VPS36: variants seen among roughly 807,000 people sequenced by gnomAD.
The protein encoded by VPS36 is vacuolar protein-sorting-associated protein 36.
Under a neutral mutation model 63.5 loss-of-function variants are expected in VPS36, and 31 were observed. The ratio of observed to expected loss-of-function variants is 0.49; its 90% CI spans 0.37 to 0.66. VPS36 has a LOEUF of 0.66. Among genes scored for constraint, VPS36 ranks in the 30% least tolerant of loss-of-function variants. The pLI, the probability that VPS36 is intolerant of heterozygous loss-of-function variation, is 0.00. For missense variants in VPS36, 338 were observed against 463.7 expected (o/e 0.73, Z 2.49); for synonymous variants, 138 against 157.2 (o/e 0.88, Z 0.91).
chr13:52,417,241 G>C, intron 11 of VPS36, 100 bp from the exon 12 acceptor site: 7 of 947,418 alleles, frequency 7.4e-6, no homozygotes, highest in African/African-American at 1.6e-5. Context: ...GCCCAGATAT[G>C]AGGGCAATAT....
At chr13:52,427,290 C>G in intron 6 of VPS36, 71 bp from the exon 7 acceptor site, 1 of 1,542,938 alleles carries the variant, frequency 6.5e-7, no homozygotes, top group East Asian at 2.3e-5. Flanking sequence ...ATGAAGCACC[C>G]TCTATTTTTT....
At position 52,425,735 on chromosome 13, in the gene VPS36, T is replaced by C. The variant is rs145104980; in HGVS notation, c.774+197A>G. 3.4e-4 allele frequency: 175 copies of C among 509,574 alleles called. 1 individual carries two copies. The East Asian group carries it at 6.2e-3, about 18-fold the overall frequency. 31.6% of individuals were successfully genotyped at this position (509,574 alleles called of 1,614,324 possible). A position where few individuals can be genotyped will look rare whatever the true frequency, so the allele number is the denominator to read the frequency against. ...TTTAGAAAGTTATAGATGTCAAAAA[T>C]GAAAATTAAAAACAACTTAGAAAAT... On this transcript the variant is annotated intron_variant, in intron 9 of 13. Transcript: ENST00000378060.
chr13:52,432,402 G>A (rs1174260578), intron 6 of VPS36, among the ~76,000 whole-genome samples: 4 of 152,010 alleles, frequency 2.6e-5, no homozygotes, highest in Admixed American at 6.6e-5. Flanking sequence ...ATTAGTCATC[G>A]TCAAAAGATA....
intron 6 of VPS36, chr13:52,429,123 T>G (rs1958131780): frequency 4.0e-6 from 1 of 251,852 alleles, no homozygotes; most frequent in Middle Eastern, 1.9e-3. Context: ...GAACCTTGTA[T>G]CCCTCTACCA....
chr13:52,429,741 T>C (rs1958137097), intron 6 of VPS36, among the ~76,000 whole-genome samples: 1 of 152,208 alleles, frequency 6.6e-6, no homozygotes. Context: ...AATAACTTAC[T>C]TTATAAATTA....
intron 4 of VPS36, 68 bp downstream of exon 4, chr13:52,436,218 AACAC>A (rs150816705): frequency 0.013 from 8,551 of 639,182 alleles, 54 homozygotes; most frequent in African/African-American, 0.056. Flanking sequence ...AACAAGCCAC[AACAC>A]ACACACACAC....
In VPS36 at chr13:52,412,622, T is replaced by C. The variant is rs1566079627; in HGVS notation, c.*3208A>G. ...CAAAATTGCTATGTGTTCAAAAAAA[T>C]GTTTTTTTTATTGAATTGAATGGGA... On this transcript the variant is annotated 3_prime_UTR_variant, in exon 14 of 14. Coordinates refer to ENST00000378060, the MANE Select transcript of VPS36 (RefSeq NM_016075.4). 6.6e-6 allele frequency: 1 copy of C among 152,164 alleles called. No homozygotes were observed. Among genetic ancestry groups the C allele is most frequent in the African/African-American group, 2.4e-5 (1 of 41,416 alleles). 9.4% of individuals were successfully genotyped at this position (152,164 alleles called of 1,614,324 possible). A position where few individuals can be genotyped will look rare whatever the true frequency, so the allele number is the denominator to read the frequency against.
At chr13:52,418,133 C>G in intron 10 of VPS36, 77 bp from the exon 11 acceptor site, 1 of 1,268,728 alleles carries the variant, frequency 7.9e-7, no homozygotes, top group East Asian at 2.5e-5. Flanking sequence ...TTTAAAATTA[C>G]CATTTATCAA....
intron 1 of VPS36, 56 bp downstream of exon 1, chr13:52,450,443 G>C: frequency 3.3e-6 from 5 of 1,520,750 alleles, no homozygotes; most frequent in Non-Finnish European, 4.4e-6. Context: ...GCCGGGCCGC[G>C]CGCCCACCGG....
chr13:52,421,744 G>A (rs910094475), intron 10 of VPS36, among the ~76,000 whole-genome samples: 2 of 151,820 alleles, frequency 1.3e-5, no homozygotes, highest in African/African-American at 2.4e-5. Context: ...GACTGGTCTC[G>A]AACTCCTGAC....
At chr13:52,445,556 G>A (rs1300511220) in intron 1 of VPS36, among the ~76,000 whole-genome samples, 2 of 149,162 alleles carry the variant, frequency 1.3e-5, no homozygotes, top group Admixed American at 6.7e-5. Context: ...GGAGAATGGC[G>A]TGAACTCGGG....
intron 10 of VPS36, among the ~76,000 whole-genome samples, chr13:52,420,845 G>A (rs1012329461): frequency 2.0e-5 from 3 of 152,294 alleles, no homozygotes; most frequent in African/African-American, 4.8e-5. Context: ...GGCCGGGCAT[G>A]GCGGCTCATG....
intron 3 of VPS36, among the ~76,000 whole-genome samples, chr13:52,438,408 C>A (rs1958240780): frequency 6.6e-6 from 1 of 152,134 alleles, no homozygotes; most frequent in African/African-American, 2.4e-5. Flanking sequence ...TCAAGGCATG[C>A]ATTGCATGTC....
intron 6 of VPS36, among the ~76,000 whole-genome samples, chr13:52,427,458 T>G (rs111625349): frequency 3.3e-5 from 5 of 151,986 alleles, no homozygotes; most frequent in African/African-American, 1.2e-4. Flanking sequence ...ACAAAAAAAA[T>G]TAGCCGGGCG....
At position 52,449,812 on chromosome 13, in the gene VPS36, G is replaced by A. The variant is rs1429763001; in HGVS notation, c.96+687C>T. ...GATTTATGCTTGCACTACAAGGCAC[G>A]GTCTACTATTAATATAACACTTTAC... On this transcript the variant is annotated intron_variant, in intron 1 of 13. Coordinates refer to ENST00000378060, the MANE Select transcript of VPS36 (RefSeq NM_016075.4). The A allele has an allele frequency of 1.5e-5, 8 of 542,736 alleles. No individual in the cohort carries two copies. The South Asian group carries it at 3.2e-4, about 22-fold the overall frequency. 33.6% of individuals were successfully genotyped at this position (542,736 alleles called of 1,614,324 possible).
At chr13:52,436,474 C>T in intron 3 of VPS36, 70 bp from the exon 4 acceptor site, 1 of 1,093,546 alleles carries the variant, frequency 9.1e-7, no homozygotes, top group Non-Finnish European at 1.3e-6. Flanking sequence ...ACTTTTATAA[C>T]TTTTTATGTA....
At position 52,439,144 on chromosome 13, in the gene VPS36, A is replaced by C. The variant is rs1409185275; in HGVS notation, c.190T>G (p.Ser64Ala). The C allele has an allele frequency of 6.2e-7, 1 of 1,613,890 alleles. No individual in the cohort carries two copies. The highest frequency in any genetic ancestry group is 2.2e-5 in the East Asian group (1 of 44,872). ...TGTTCTTCAATGAACACAATTTGGG[A>C]AAGGAGAATGGCCATGCAACACTCC... is the stretch of plus-strand genomic sequence containing the variant. The part of the protein sequence containing the change: ...NHECCMAILL[S>A]QIVFIEEQAA... Residue 64 changes from serine (S) to alanine (A), a missense_variant, in exon 3 of 14, where the codon TCC becomes GCC. By Grantham distance (99) the Ser-to-Ala change is moderately conservative (BLOSUM62 1). Coordinates refer to ENST00000378060, the MANE Select transcript of VPS36 (RefSeq NM_016075.4).
chr13:52,435,279 T>G (rs1165985407), intron 4 of VPS36, among the ~76,000 whole-genome samples: 1 of 152,102 alleles, frequency 6.6e-6, no homozygotes, highest in Admixed American at 6.5e-5. Flanking sequence ...CCACTTAACA[T>G]TTCTTCAGTA....
chr13:52,417,368 CT>C (rs34799344), intron 11 of VPS36, among the ~76,000 whole-genome samples: 4 of 151,024 alleles, frequency 2.6e-5, no homozygotes, highest in Non-Finnish European at 5.9e-5. Flanking sequence ...AAATTACTGG[CT>C]TTTTTTTTAG....
Sources: allele counts gnomAD v4.1 joint callset (sites outside exome capture counted in the v4.1 genomes callset), GRCh38; gene constraint gnomAD v4.1.1; transcripts MANE v1.5; gene names NCBI Gene and HGNC (gene_info 2026-07-23, HGNC 2026-07-21).